The following FHAD1 variants were observed in gnomAD, a reference collection of about 807,000 sequenced individuals.
FHAD1 encodes forkhead-associated domain-containing protein 1.
In FHAD1, 146 loss-of-function variants were observed where a neutral mutation model predicts 191.3. That is an observed-to-expected ratio of 0.76 (90% CI 0.67 to 0.88). The LOEUF (loss-of-function observed/expected upper bound fraction) is 0.88. FHAD1 is among the 40% of genes least tolerant of loss of function. FHAD1 has a pLI of 0.00. For synonymous variants in FHAD1, 616 were observed against 672.3 expected (o/e 0.92, Z 1.29); for missense variants, 1,635 against 1,785.8 (o/e 0.92, Z 1.52).
intron 33 of FHAD1, among the ~76,000 whole-genome samples, chr1:15,395,121 G>A (rs1705487484): frequency 6.6e-6 from 1 of 152,058 alleles, no homozygotes; most frequent in African/African-American, 2.4e-5. Context: ...AGACCATCCT[G>A]GCTAACATGG....
At chr1:15,358,321 C>A in intron 21 of FHAD1, 38 bp downstream of exon 21, 1 of 1,511,912 alleles carries the variant, frequency 6.6e-7, no homozygotes, top group South Asian at 1.3e-5. Flanking sequence ...GAATTTTTCT[C>A]TCAATGGAAG....
At chr1:15,277,530 T>A (rs541751078) in intron 3 of FHAD1, among the ~76,000 whole-genome samples, 1 of 152,268 alleles carries the variant, frequency 6.6e-6, no homozygotes, top group South Asian at 2.1e-4. Flanking sequence ...GATTGTGTAA[T>A]CAGTTATGGC....
chr1:15,338,867 C>A (rs1259890358), intron 14 of FHAD1, among the ~76,000 whole-genome samples: 1 of 152,174 alleles, frequency 6.6e-6, no homozygotes, highest in Non-Finnish European at 1.5e-5. Context: ...CTGTAAGCCC[C>A]TGGAGGTCTT....
chr1:15,319,996 A>G (rs867627197), intron 10 of FHAD1, among the ~76,000 whole-genome samples: 3 of 152,156 alleles, frequency 2.0e-5, no homozygotes, highest in African/African-American at 4.8e-5. Context: ...TGGGCTATCA[A>G]TTTTTCTCTA....
Position 15,326,800 on chromosome 1 carries a change from G to A in FHAD1, c.1474-259G>A, listed in dbSNP as rs968363987. On this transcript the variant is annotated intron_variant, in intron 11 of 33. Coordinates refer to ENST00000688493, the MANE Select transcript of FHAD1 (RefSeq NM_001391957.1). ...CAGCAAGAGGCTCTTCTGAGGGTTT[G>A]AGACATGTGTGTGCACTGACCACAG... 4 of 331,464 alleles carry A rather than the reference G, an allele frequency of 1.2e-5. No individual in the cohort carries two copies. In the East Asian group the frequency reaches 1.9e-4, roughly 16 times the overall value. 20.5% of individuals were successfully genotyped at this position (331,464 alleles called of 1,614,324 possible).
intron 26 of FHAD1, among the ~76,000 whole-genome samples, chr1:15,370,613 T>G (rs1697788544): frequency 1.3e-5 from 2 of 152,196 alleles, no homozygotes; most frequent in Non-Finnish European, 2.9e-5. Context: ...AGCTGTTCCA[T>G]GCACCTGCCC....
intron 19 of FHAD1, among the ~76,000 whole-genome samples, chr1:15,351,606 A>G (rs1690895462): frequency 6.6e-6 from 1 of 152,188 alleles, no homozygotes; most frequent in Non-Finnish European, 1.5e-5. Context: ...GGATGCACTA[A>G]TACATTCTGT....
chr1:15,243,179 C>T (rs1416255079), upstream of FHAD1, among the ~76,000 whole-genome samples: 3 of 152,182 alleles, frequency 2.0e-5, no homozygotes, highest in Admixed American at 6.5e-5. Context: ...TTTTCTGCCA[C>T]GGGAAAAGGC....
chr1:15,359,340 G>A (rs1693898270), intron 21 of FHAD1, among the ~76,000 whole-genome samples: 1 of 152,112 alleles, frequency 6.6e-6, no homozygotes, highest in African/African-American at 2.4e-5. Context: ...AGTGTCTCGG[G>A]CAAAGAATGT....
chr1:15,340,560 T>G (rs1273024609), intron 15 of FHAD1, among the ~76,000 whole-genome samples: 1 of 152,124 alleles, frequency 6.6e-6, no homozygotes, highest in African/African-American at 2.4e-5. Context: ...TTTTTCAACC[T>G]TCTGCTTGTG....
intron 20 of FHAD1, among the ~76,000 whole-genome samples, chr1:15,357,503 G>A (rs1693217010): frequency 6.6e-6 from 1 of 152,076 alleles, no homozygotes. Flanking sequence ...TGTGCCTGTA[G>A]TCCCAGCTAC....
chr1:15,302,936 G>T (rs1006314597), intron 6 of FHAD1, among the ~76,000 whole-genome samples: 12 of 152,210 alleles, frequency 7.9e-5, no homozygotes, highest in Non-Finnish European at 4.4e-5. Context: ...GGTTAGACAT[G>T]GTGAACCTCG....
At chr1:15,330,911 G>A (rs1056884480) in intron 14 of FHAD1, among the ~76,000 whole-genome samples, 3 of 152,148 alleles carry the variant, frequency 2.0e-5, no homozygotes, top group Non-Finnish European at 4.4e-5. Flanking sequence ...TGGAGGGTGG[G>A]CAGCATGGTG....
chr1:15,258,687 G>A (rs1268809084), intron 2 of FHAD1, among the ~76,000 whole-genome samples: 3 of 151,726 alleles, frequency 2.0e-5, no homozygotes, highest in Non-Finnish European at 4.4e-5. Context: ...CCGGGTTCAA[G>A]TGATTCTCCT....
intron 26 of FHAD1, 47 bp from the exon 27 acceptor site, chr1:15,374,455 A>G: frequency 6.5e-7 from 1 of 1,546,216 alleles, no homozygotes; most frequent in South Asian, 1.2e-5. Flanking sequence ...TGTAAGAGAA[A>G]TCTTCTAATC....
In FHAD1 at chr1:15,329,573, A is replaced by G; in HGVS notation, c.1906+32A>G. On this transcript the variant is annotated intron_variant, in intron 14 of 33. Transcript: ENST00000688493. This position sits in a 1 kb window ranked among gnomAD's most constrained non-coding sequence, Gnocchi z 5.0. ...GGGACTTTTTTTCTCACATGGTTGCATGACTCTAAAATGTCGCGTTGAATC... is the reference window on the plus strand; with the variant it reads ...GGGACTTTTTTTCTCACATGGTTGCGTGACTCTAAAATGTCGCGTTGAATC... The G allele has an allele frequency of 2.6e-6, 4 of 1,540,304 alleles. No individual in the cohort carries two copies. Among genetic ancestry groups the G allele is most frequent in the Non-Finnish European group, 3.5e-6 (4 of 1,137,492 alleles).
At position 15,331,790 on chromosome 1, in the gene FHAD1, A is replaced by G. The variant is rs532428964; in HGVS notation, c.1906+2249A>G. Among the ~76,000 whole-genome samples the G allele has an allele frequency of 8.5e-5, 13 of 152,116 alleles. No homozygotes were observed. The South Asian group carries it at 2.5e-3, about 29-fold the overall frequency. The stretch of plus-strand genomic sequence containing the variant: ...AGGAAGATTAAAGCCATAGATATGA[A>G]TGGTATCAGTTAGGAAGATTATTTA... On this transcript the variant is annotated intron_variant, in intron 14 of 33. Coordinates refer to ENST00000688493, the MANE Select transcript of FHAD1 (RefSeq NM_001391957.1).
intron 1 of FHAD1, among the ~76,000 whole-genome samples, chr1:15,250,599 C>T (rs1262020562): frequency 6.6e-6 from 1 of 152,066 alleles, no homozygotes; most frequent in Non-Finnish European, 1.5e-5. Flanking sequence ...AATCTTTTTT[C>T]CCCTAACTAA....
chr1:15,299,177 G>C (rs1667872399), intron 5 of FHAD1, among the ~76,000 whole-genome samples: 1 of 132,384 alleles, frequency 7.6e-6, no homozygotes, highest in African/African-American at 3.3e-5. Flanking sequence ...TCCAGCCTGG[G>C]TGACAGAGCA....
Sources: allele counts gnomAD v4.1 joint callset (sites outside exome capture counted in the v4.1 genomes callset), GRCh38; gene constraint gnomAD v4.1.1; non-coding constraint Gnocchi (gnomAD v3.1); transcripts MANE v1.5; gene names NCBI Gene and HGNC (gene_info 2026-07-23, HGNC 2026-07-21).